Variants in HIVEP2 observed in about 807,000 individuals in gnomAD.
The protein encoded by HIVEP2 is HIVEP zinc finger 2.
Under a neutral mutation model 180.7 loss-of-function variants are expected in HIVEP2, and 14 were observed. The ratio of observed to expected loss-of-function variants is 0.08; its 90% CI spans 0.05 to 0.12. HIVEP2 has a LOEUF of 0.12. Ranked by LOEUF, HIVEP2 falls within the 10% of genes least tolerant of loss-of-function variation. The pLI, the probability that HIVEP2 is intolerant of heterozygous loss-of-function variation, is 1.00. For synonymous variants in HIVEP2, 1,184 were observed against 1,136.4 expected (o/e 1.04, Z -0.84); for missense variants, 2,579 against 3,008.5 (o/e 0.86, Z 3.34).
intron 1 of HIVEP2, among the ~76,000 whole-genome samples, chr6:142,867,492 C>T (rs1022517900): frequency 2.0e-5 from 3 of 152,152 alleles, no homozygotes; most frequent in Admixed American, 6.6e-5. Context: ...AACAGATATG[C>T]TTTTGGTACA....
At chr6:142,933,093 T>G (rs957317489) in intron 1 of HIVEP2, among the ~76,000 whole-genome samples, 4 of 152,170 alleles carry the variant, frequency 2.6e-5, no homozygotes, top group Admixed American at 2.0e-4. Context: ...TGCAGCCTGC[T>G]CAAAACCAAA....
At chr6:142,845,403 CCT>C (rs1460591482) in intron 1 of HIVEP2, among the ~76,000 whole-genome samples, 3 of 151,870 alleles carry the variant, frequency 2.0e-5, no homozygotes, top group African/African-American at 4.8e-5. Context: ...TCTCTCCCTC[CCT>C]CTCTCTCTTT....
chr6:142,943,638 A>G lies in HIVEP2; in HGVS notation c.-641+1461T>C, dbSNP rs114163021. Among the ~76,000 whole-genome samples the G allele has an allele frequency of 8.7e-3, 1,318 of 152,274 alleles. 21 individuals carry two copies. Among genetic ancestry groups the G allele is most frequent in the African/African-American group, 0.03 (1,265 of 41,540 alleles). On this transcript the variant is annotated intron_variant, in intron 1 of 9. Coordinates refer to ENST00000367603, the MANE Select transcript of HIVEP2 (RefSeq NM_006734.4). This position sits in a 1 kb window ranked among gnomAD's most constrained non-coding sequence, Gnocchi z 4.5. ...TTTAGGGTTGGGGGCGAGTACCAAT[A>G]TTCATTTGGAGGTAAATTGAGTTAT...
At position 142,760,325 on chromosome 6, in the gene HIVEP2, T is replaced by A; in HGVS notation, c.5963A>T (p.Asp1988Val). 5.6e-6 allele frequency: 9 copies of A among 1,614,168 alleles called. No homozygotes were observed. Among genetic ancestry groups the A allele is most frequent in the Non-Finnish European group, 6.8e-6 (8 of 1,179,990 alleles). The part of the protein sequence containing the change: ...IRVTQLMTPS[D>V]SCEDTQMTEY... The stretch of plus-strand genomic sequence containing the variant: ...TGTCATCTGGGTATCTTCACATGAA[T>A]CACTGGGTGTCATAAGCTGAGTAAC... The change falls in exon 9 of 10, where the codon GAT (aspartate) becomes GTT (valine). Residue 1988 changes from aspartate to valine, a missense_variant. By Grantham distance (152) the Asp-to-Val change is radical. Coordinates refer to ENST00000367603, the MANE Select transcript of HIVEP2 (RefSeq NM_006734.4).
intron 1 of HIVEP2, among the ~76,000 whole-genome samples, chr6:142,868,100 C>T (rs1776187802): frequency 2.0e-5 from 3 of 152,052 alleles, no homozygotes. Flanking sequence ...CAGTAATTTC[C>T]GCTTTCAGGA....
chr6:142,941,944 C>T (rs929228047), intron 1 of HIVEP2, among the ~76,000 whole-genome samples: 13 of 152,034 alleles, frequency 8.6e-5, no homozygotes, highest in East Asian at 3.8e-4. Flanking sequence ...AATATGAAAA[C>T]GGTGTTTATT....
chr6:142,751,587 GTA>G lies in HIVEP2; in HGVS notation c.*1518_*1519del, dbSNP rs1774920597. On this transcript the variant is annotated 3_prime_UTR_variant, in exon 10 of 10. Transcript: ENST00000367603. ...ATATAGCACAAAGATAACCCAGATT[GTA>G]TGTGTGCGTGCACACATGTGCGTGC... is the stretch of plus-strand genomic sequence containing the variant. 1 of 152,662 alleles carries G rather than the reference GTA, an allele frequency of 6.6e-6. No individual in the cohort carries two copies. The highest frequency in any genetic ancestry group is 2.4e-5 in the African/African-American group (1 of 41,460). 9.5% of individuals were successfully genotyped at this position (152,662 alleles called of 1,614,324 possible). A position where few individuals can be genotyped will look rare whatever the true frequency, so the allele number is the denominator to read the frequency against.
chr6:142,847,297 C>G (rs749151624), intron 1 of HIVEP2, among the ~76,000 whole-genome samples: 6 of 152,152 alleles, frequency 3.9e-5, no homozygotes, highest in Admixed American at 3.9e-4. Context: ...GGCTCTTTCA[C>G]CAGTCCTAAA....
At chr6:142,803,936 C>T (rs577652408) in intron 2 of HIVEP2, among the ~76,000 whole-genome samples, 240 of 152,230 alleles carry the variant, frequency 1.6e-3, no homozygotes, top group South Asian at 2.7e-3. Context: ...CTGTTGAACT[C>T]CTAAGCATTT....
At chr6:142,893,526 T>C (rs1020642053) in intron 1 of HIVEP2, among the ~76,000 whole-genome samples, 2 of 152,178 alleles carry the variant, frequency 1.3e-5, no homozygotes, top group Admixed American at 6.5e-5. Flanking sequence ...CCTTTGCAGA[T>C]GAGGGAACTG....
chr6:142,793,663 CTTTCTTTCTT>C lies in HIVEP2; in HGVS notation c.-527-10058_-527-10049del, dbSNP rs1776205005. Among the ~76,000 whole-genome samples the C allele has an allele frequency of 8.3e-4, 91 of 109,562 alleles. 1 individual carries two copies. Among genetic ancestry groups the C allele is most frequent in the African/African-American group, 2.9e-3 (83 of 28,700 alleles). The allele number at this position is 109,562 out of a possible 152,430, so 71.9% of individuals were successfully genotyped here. On this transcript the variant is annotated intron_variant, in intron 2 of 9. Transcript: ENST00000367603. The stretch of plus-strand genomic sequence containing the variant: ...TTCTTTCTTTCTTTCTTTCTTTTTT[CTTTCTTTCTT>C]TCTCTCTCTCTCTCTCTCTCTCTCT...
intron 1 of HIVEP2, among the ~76,000 whole-genome samples, chr6:142,839,707 G>T (rs558633726): frequency 8.0e-4 from 122 of 152,214 alleles, no homozygotes; most frequent in African/African-American, 2.6e-3. Flanking sequence ...TTGCAATACT[G>T]ATCACAGTAA....
intron 2 of HIVEP2, among the ~76,000 whole-genome samples, chr6:142,793,119 A>G (rs1776180048): frequency 6.6e-6 from 1 of 152,196 alleles, no homozygotes; most frequent in African/African-American, 2.4e-5. Context: ...TTCTGAGTCA[A>G]TAACCATATC....
chr6:142,764,135 T>A (rs1290182133), intron 7 of HIVEP2, among the ~76,000 whole-genome samples: 1 of 152,168 alleles, frequency 6.6e-6, no homozygotes, highest in East Asian at 1.9e-4. Context: ...TTTCATAATA[T>A]TATAAAAAAT....
intron 1 of HIVEP2, among the ~76,000 whole-genome samples, chr6:142,910,830 A>G (rs1777383772): frequency 6.6e-6 from 1 of 152,204 alleles, no homozygotes; most frequent in African/African-American, 2.4e-5. Context: ...GCCTCACCTC[A>G]GACCTAGTGA....
chr6:142,846,380 C>T (rs1449687173), intron 1 of HIVEP2, among the ~76,000 whole-genome samples: 3 of 152,202 alleles, frequency 2.0e-5, no homozygotes, highest in Admixed American at 1.3e-4. Flanking sequence ...TCCCGGCCAG[C>T]GGCCACTGTC....
chr6:142,862,262 C>A, intron 1 of HIVEP2, among the ~76,000 whole-genome samples: 1 of 151,896 alleles, frequency 6.6e-6, no homozygotes, highest in South Asian at 2.1e-4. Context: ...CTCCTTCAGA[C>A]AATTTCTCCC....
intron 1 of HIVEP2, among the ~76,000 whole-genome samples, chr6:142,844,639 T>G (rs9496469): frequency 2.2e-4 from 33 of 152,188 alleles, no homozygotes; most frequent in African/African-American, 7.7e-4. Flanking sequence ...GGCAATGAAT[T>G]ACGGCAAAAC....
rs527419796 is a variant in HIVEP2 at position 142,872,914 on chromosome 6, G to T, written c.-640-35867C>A. 5.3e-5 allele frequency among the ~76,000 whole-genome samples: 8 copies of T among 152,208 alleles called. No individual in the cohort carries two copies. The South Asian group carries it at 8.3e-4, about 16-fold the overall frequency. ...CACCTTTTTGACTGATTTGACTATT[G>T]TTTTTCTACATTCCCAGCATCTACA... On this transcript the variant is annotated intron_variant, in intron 1 of 9. Transcript: ENST00000367603.
Sources: allele counts gnomAD v4.1 joint callset (sites outside exome capture counted in the v4.1 genomes callset), GRCh38; gene constraint gnomAD v4.1.1; non-coding constraint Gnocchi (gnomAD v3.1); transcripts MANE v1.5; gene names NCBI Gene and HGNC (gene_info 2026-07-23, HGNC 2026-07-21).